CNTN4: variants seen among roughly 807,000 people sequenced by gnomAD.
CNTN4 encodes the protein contactin 4, also known as contactin-4.
Under a neutral mutation model 122.5 loss-of-function variants are expected in CNTN4, and 77 were observed. The ratio of observed to expected loss-of-function variants is 0.63; its 90% confidence interval spans 0.52 to 0.76. The LOEUF (loss-of-function observed/expected upper bound fraction) is 0.76, where lower values mean the gene tolerates loss of function less well. CNTN4 is among the 30% of genes least tolerant of loss of function. The pLI is 0.00. For missense variants in CNTN4, 1,256 were observed against 1,259.1 expected, an observed-to-expected ratio of 1.00 and a Z score of 0.04; for synonymous variants, 512 against 447.0, an observed-to-expected ratio of 1.15 and a Z score of -1.83.
At chr3:2,602,686 T>C (rs1398470607) in intron 4 of CNTN4, among the ~76,000 whole-genome samples, 1 of 152,182 alleles carries the variant, frequency 6.6e-6, no homozygotes, top group African/African-American at 2.4e-5. Flanking sequence ...ATAGATTCAA[T>C]GTCATCCCCA....
intron 3 of CNTN4, among the ~76,000 whole-genome samples, chr3:2,384,771 T>C (rs1414428207): frequency 6.6e-6 from 1 of 151,876 alleles, no homozygotes; most frequent in Non-Finnish European, 1.5e-5. Flanking sequence ...CGTGTGTGTG[T>C]GTGTGTGTGT....
At chr3:2,668,073 G>A (rs1213276656) in intron 4 of CNTN4, among the ~76,000 whole-genome samples, 6 of 152,006 alleles carry the variant, frequency 3.9e-5, no homozygotes, top group Admixed American at 2.6e-4. Context: ...TTGGCGATGC[G>A]GGCTCTTTTT....
intron 3 of CNTN4, among the ~76,000 whole-genome samples, chr3:2,456,333 A>G (rs2048999335): frequency 6.6e-6 from 1 of 152,122 alleles, no homozygotes; most frequent in Non-Finnish European, 1.5e-5. Flanking sequence ...TGTTATCTCA[A>G]ATTGTATATA....
chr3:2,599,924 A>T (rs527535842), intron 4 of CNTN4, among the ~76,000 whole-genome samples: 1 of 147,520 alleles, frequency 6.8e-6, no homozygotes, highest in African/African-American at 2.5e-5. Context: ...TGAAGTTTGG[A>T]GCTATCTGTT....
In CNTN4 at chr3:2,101,077, C is replaced by T. The variant is rs190153484; in HGVS notation, c.-145+438C>T. Among the ~76,000 whole-genome samples the T allele has an allele frequency of 2.7e-3, 412 of 152,320 alleles. 3 individuals carry two copies. The highest frequency in any genetic ancestry group is 6.8e-3 in the Middle Eastern group (2 of 294). On this transcript the variant is annotated intron_variant, in intron 2 of 24. Coordinates refer to ENST00000418658, the MANE Select transcript of CNTN4 (RefSeq NM_175607.3). ...TTTTCAAGTCAATTGGGAGTCAATG[C>T]AGTACCTTTTTCCATGGTCATTTCA...
intron 3 of CNTN4, among the ~76,000 whole-genome samples, chr3:2,491,548 A>G (rs574137923): frequency 1.6e-3 from 242 of 152,354 alleles, no homozygotes; most frequent in African/African-American, 5.5e-3. Context: ...GTATTGTTGC[A>G]TAATAAGAGA....
intron 4 of CNTN4, among the ~76,000 whole-genome samples, chr3:2,647,310 G>A (rs2083168903): frequency 6.6e-6 from 1 of 152,032 alleles, no homozygotes; most frequent in South Asian, 2.1e-4. Context: ...GAACCTGGGA[G>A]GCAGAGGTTG....
At chr3:2,966,158 G>T (rs1227523440) in intron 13 of CNTN4, among the ~76,000 whole-genome samples, 1 of 152,002 alleles carries the variant, frequency 6.6e-6, no homozygotes, top group East Asian at 1.9e-4. Context: ...AAGGAAAGGG[G>T]GATTAAACCA....
At chr3:3,039,959 T>C (rs1427510400) in intron 19 of CNTN4, 78 bp from the exon 20 acceptor site, 2 of 974,564 alleles carry the variant, frequency 2.1e-6, no homozygotes, top group Non-Finnish European at 3.3e-6. Context: ...ACAAGAATGT[T>C]ACAAGGGAAA....
chr3:2,782,301 G>T (rs915715606), intron 6 of CNTN4, among the ~76,000 whole-genome samples: 1 of 151,602 alleles, frequency 6.6e-6, no homozygotes, highest in Non-Finnish European at 1.5e-5. Context: ...GTGGGGGGGG[G>T]CCTTAGAATT....
At chr3:2,878,987 C>A (rs59370738) in intron 8 of CNTN4, among the ~76,000 whole-genome samples, 38,979 of 152,026 alleles carry the variant, frequency 0.26, 5,101 homozygotes, top group Middle Eastern at 0.35. Context: ...GTGGAAGCCA[C>A]CCAAATGCCC....
chr3:2,356,401 C>T (rs1474572158), intron 3 of CNTN4, among the ~76,000 whole-genome samples: 4 of 152,074 alleles, frequency 2.6e-5, no homozygotes, highest in Non-Finnish European at 4.4e-5. Flanking sequence ...AGAGTTCCTC[C>T]CCTTTTTAGA....
At position 2,618,311 on chromosome 3, in the gene CNTN4, A is replaced by C. The variant is rs180921724; in HGVS notation, c.55+46753A>C. On this transcript the variant is annotated intron_variant, in intron 4 of 24. Transcript: ENST00000418658. ...TATATGTATATGTGTGTATGTATGTATAATATGTGTATATGTGTAAATATG... is the reference window on the plus strand; with the variant it reads ...TATATGTATATGTGTGTATGTATGTCTAATATGTGTATATGTGTAAATATG... Among the ~76,000 whole-genome samples, 1,015 of 152,294 alleles carry C rather than the reference A, an allele frequency of 6.7e-3. 15 individuals are homozygous for C. The highest frequency in any genetic ancestry group is 0.024 in the African/African-American group (980 of 41,572).
At chr3:2,159,720 C>A (rs1241275214) in intron 2 of CNTN4, among the ~76,000 whole-genome samples, 1 of 152,018 alleles carries the variant, frequency 6.6e-6, no homozygotes, top group Non-Finnish European at 1.5e-5. Context: ...GATATATAAG[C>A]AGCCGTTAAC....
chr3:2,380,456 A>T (rs2045975686), intron 3 of CNTN4, among the ~76,000 whole-genome samples: 1 of 152,232 alleles, frequency 6.6e-6, no homozygotes, highest in Non-Finnish European at 1.5e-5. Context: ...TTATATAGCT[A>T]TGCAGAACAG....
intron 6 of CNTN4, among the ~76,000 whole-genome samples, chr3:2,769,787 A>G (rs1037458098): frequency 3.3e-5 from 5 of 152,210 alleles, no homozygotes; most frequent in Non-Finnish European, 5.9e-5. Context: ...TCTTGCCTGC[A>G]GCACAGGCCC....
intron 4 of CNTN4, among the ~76,000 whole-genome samples, chr3:2,683,123 G>A (rs1242491131): frequency 1.3e-5 from 2 of 152,118 alleles, no homozygotes; most frequent in Non-Finnish European, 2.9e-5. Context: ...ATCTCCCAGA[G>A]TGTCACAAAC....
At chr3:2,659,309 A>G (rs559433233) in intron 4 of CNTN4, among the ~76,000 whole-genome samples, 113 of 152,024 alleles carry the variant, frequency 7.4e-4, no homozygotes, top group African/African-American at 2.7e-3. Context: ...TAAAAATACA[A>G]AAATTAGCCA....
At chr3:2,958,756 G>A (rs918905237) in intron 13 of CNTN4, among the ~76,000 whole-genome samples, 1 of 152,152 alleles carries the variant, frequency 6.6e-6, no homozygotes, top group Non-Finnish European at 1.5e-5. Context: ...AGGTTCTTAC[G>A]TAATAAGTAA....
Sources: allele counts gnomAD v4.1 joint callset (sites outside exome capture counted in the v4.1 genomes callset), GRCh38; gene constraint gnomAD v4.1.1; transcripts MANE v1.5; gene names NCBI Gene and HGNC (gene_info 2026-07-23, HGNC 2026-07-21).